The following IFT52 variants were observed in gnomAD, a reference collection of about 807,000 sequenced individuals.
IFT52 encodes the protein intraflagellar transport 52.
A neutral mutation model predicts 54.4 loss-of-function variants in IFT52; 44 were observed. The observed-to-expected ratio is 0.81, with a 90% confidence interval of 0.63 to 1.04. The LOEUF is 1.04. Ranked by LOEUF, IFT52 falls within the 50% of genes least tolerant of loss-of-function variation. The pLI, the probability that IFT52 is intolerant of heterozygous loss-of-function variation, is 0.00. For missense variants in IFT52, 452 were observed against 523.6 expected (o/e 0.86, Z 1.33); for synonymous variants, 181 against 185.3 (o/e 0.98, Z 0.19).
At chr20:43,605,711 T>C (rs916058154) in intron 6 of IFT52, among the ~76,000 whole-genome samples, 24 of 152,346 alleles carry the variant, frequency 1.6e-4, no homozygotes, top group Admixed American at 5.2e-4. Context: ...TATAATGTTT[T>C]TCTTTAATAA....
chr20:43,639,197 A>T (rs1985742765), intron 12 of IFT52, among the ~76,000 whole-genome samples: 1 of 150,358 alleles, frequency 6.7e-6, no homozygotes, highest in Non-Finnish European at 1.5e-5. Context: ...GGTTAAAAAG[A>T]GTATGAAATA....
rs943987924 is a variant in IFT52, at chr20:43,646,809, G to A, written c.1267-127G>A. ...TCCTTGGGTTGGATTCAGCCCTAAA[G>A]CCAGATATTATGTATATGTCCTAAT... On this transcript the variant is annotated intron_variant, in intron 13 of 13. Transcript: ENST00000373030. 10 of 828,350 alleles carry A rather than the reference G, an allele frequency of 1.2e-5. No homozygotes were observed. The South Asian group carries it at 1.5e-4, about 12-fold the overall frequency. 51.3% of individuals were successfully genotyped at this position (828,350 alleles called of 1,614,324 possible).
intron 7 of IFT52, 90 bp downstream of exon 7, chr20:43,614,066 G>T: frequency 1.7e-6 from 2 of 1,183,522 alleles, no homozygotes. Flanking sequence ...GCTTCTATAT[G>T]TTTTCTCACT....
chr20:43,603,608 C>A, intron 3 of IFT52, 152 bp from the exon 4 acceptor site: 2 of 647,900 alleles, frequency 3.1e-6, no homozygotes, highest in South Asian at 2.1e-5. Flanking sequence ...GGAGATCCTA[C>A]ATAGAGAGTA....
intron 1 of IFT52, 93 bp from the exon 2 acceptor site, chr20:43,594,600 T>G (rs1056199036): frequency 6.9e-5 from 49 of 712,368 alleles, no homozygotes; most frequent in Non-Finnish European, 1.1e-4. Context: ...TACCCTTTCT[T>G]GATAAATTAG....
chr20:43,597,729 A>G (rs369769212), intron 3 of IFT52, among the ~76,000 whole-genome samples: 2 of 152,188 alleles, frequency 1.3e-5, no homozygotes, highest in African/African-American at 4.8e-5. Flanking sequence ...CCTCATCTCT[A>G]CTAAAAATAC....
intron 3 of IFT52, among the ~76,000 whole-genome samples, chr20:43,596,895 A>G (rs1982011098): frequency 6.6e-6 from 1 of 151,340 alleles, no homozygotes; most frequent in Admixed American, 6.6e-5. Flanking sequence ...GGTGCCCACC[A>G]CCACGCCCGG....
At chr20:43,605,317 T>A (rs1982776990) in intron 6 of IFT52, 2 of 964,558 alleles carry the variant, frequency 2.1e-6, no homozygotes. Flanking sequence ...GAGGCCGAGG[T>A]GGGTGGCCCA....
chr20:43,613,408 A>C (rs1407708944), intron 6 of IFT52, among the ~76,000 whole-genome samples: 1 of 152,222 alleles, frequency 6.6e-6, no homozygotes, highest in Non-Finnish European at 1.5e-5. Context: ...TGCTTTATTA[A>C]ATGTGTAGCT....
chr20:43,621,566 G>A (rs769559124), intron 9 of IFT52, among the ~76,000 whole-genome samples: 4 of 152,166 alleles, frequency 2.6e-5, no homozygotes, highest in South Asian at 4.1e-4. Context: ...GGGTCCAAGC[G>A]ATCCTTCTGC....
chr20:43,628,419 G>A (rs534831784), intron 10 of IFT52, among the ~76,000 whole-genome samples: 2 of 152,260 alleles, frequency 1.3e-5, no homozygotes, highest in South Asian at 4.1e-4. Flanking sequence ...ACGCTGTAAA[G>A]GGAAAATCGC....
At chr20:43,626,656 G>A (rs1369998980) in intron 10 of IFT52, among the ~76,000 whole-genome samples, 2 of 151,700 alleles carry the variant, frequency 1.3e-5, no homozygotes, top group Non-Finnish European at 2.9e-5. Flanking sequence ...AATAGATGAT[G>A]TATGAGTTTA....
At chr20:43,636,480 T>C (rs1205158966) in intron 11 of IFT52, among the ~76,000 whole-genome samples, 2 of 152,228 alleles carry the variant, frequency 1.3e-5, no homozygotes, top group African/African-American at 2.4e-5. Context: ...TGAAATGTTA[T>C]GAGCCAGTTA....
chr20:43,610,404 C>G (rs1194488506), intron 6 of IFT52, among the ~76,000 whole-genome samples: 1 of 151,506 alleles, frequency 6.6e-6, no homozygotes, highest in East Asian at 1.9e-4. Context: ...ATATGTATAG[C>G]AATATAATTC....
At position 43,606,966 on chromosome 20, in the gene IFT52, G is replaced by A. The variant is rs1231058710; in HGVS notation, c.485+1893G>A. Among the ~76,000 whole-genome samples the A allele has an allele frequency of 1.4e-4, 22 of 152,220 alleles. 2 individuals carry two copies. The highest frequency in any genetic ancestry group is 1.4e-3 in the Admixed American group (21 of 15,284). ...TTCTTAGTACAGAACAAAATGAAAA[G>A]TCTCCCGTGTCTACTTCTTTCTACA... On this transcript the variant is annotated intron_variant, in intron 6 of 13. Coordinates refer to ENST00000373030, the MANE Select transcript of IFT52 (RefSeq NM_016004.5).
At chr20:43,599,130 T>C (rs894155651) in intron 3 of IFT52, among the ~76,000 whole-genome samples, 1 of 152,184 alleles carries the variant, frequency 6.6e-6, no homozygotes, top group African/African-American at 2.4e-5. Flanking sequence ...CAGCAACTCC[T>C]ACCCACTGAG....
At chr20:43,612,779 G>A (rs1252081186) in intron 6 of IFT52, among the ~76,000 whole-genome samples, 1 of 152,088 alleles carries the variant, frequency 6.6e-6, no homozygotes, top group Non-Finnish European at 1.5e-5. Context: ...AAAGAAAAAG[G>A]GAAATTAAAA....
chr20:43,614,079 T>G (rs1983667364), intron 7 of IFT52, 103 bp downstream of exon 7: 1 of 1,042,122 alleles, frequency 9.6e-7, no homozygotes, highest in African/African-American at 1.6e-5. Context: ...TTCTCACTGG[T>G]CTTCCTGCCA....
intron 3 of IFT52, 41 bp downstream of exon 3, chr20:43,596,563 T>A (rs1259155561): frequency 7.5e-7 from 1 of 1,328,804 alleles, no homozygotes; most frequent in East Asian, 2.3e-5. Flanking sequence ...GTGAAATGAT[T>A]AGGAGTCTGA....
Sources: gnomAD v4.1 joint callset for allele counts (sites outside exome capture counted in the v4.1 genomes callset) on GRCh38, gnomAD v4.1.1 for gene constraint, MANE v1.5 for transcripts, NCBI Gene and HGNC (gene_info 2026-07-23, HGNC 2026-07-21) for gene names.